HS6ST2: variants seen among roughly 807,000 people sequenced by gnomAD.
The protein encoded by HS6ST2 is heparan sulfate 6-O-sulfotransferase 2, also known as heparan-sulfate 6-O-sulfotransferase 2.
In HS6ST2, 17 loss-of-function variants were observed where a neutral mutation model predicts 33.0. The observed-to-expected ratio is 0.52, with a 90% confidence interval of 0.35 to 0.77. HS6ST2 has a LOEUF of 0.77. HS6ST2 is among the 30% of genes least tolerant of loss of function. HS6ST2 has a pLI of 0.01. For missense variants in HS6ST2, 519 were observed against 551.7 expected, an observed-to-expected ratio of 0.94 and a Z score of 0.59; for synonymous variants, 248 against 237.1, an observed-to-expected ratio of 1.05 and a Z score of -0.42.
At chrX:132,639,782 A>G (rs921861901) in intron 4 of HS6ST2, among the ~76,000 whole-genome samples, 1 of 111,658 alleles carries the variant, frequency 9.0e-6, no homozygotes, top group Admixed American at 9.5e-5. Flanking sequence ...TCCATGCCAC[A>G]GTGGATGGGA....
intron 2 of HS6ST2, among the ~76,000 whole-genome samples, chrX:132,791,009 T>C (rs1446587387): frequency 9.1e-6 from 1 of 109,593 alleles, no homozygotes; most frequent in Non-Finnish European, 1.9e-5. Flanking sequence ...TAGCCAAATG[T>C]GGTGGCATGT....
At chrX:132,775,442 G>A (rs180902746) in intron 2 of HS6ST2, among the ~76,000 whole-genome samples, 2 of 111,992 alleles carry the variant, frequency 1.8e-5, no homozygotes, top group Admixed American at 1.9e-4. Flanking sequence ...GCATGTAGAA[G>A]CTTCAGGGCT....
intron 2 of HS6ST2, among the ~76,000 whole-genome samples, chrX:132,896,220 C>T (rs990238471): frequency 1.8e-5 from 2 of 110,906 alleles, no homozygotes; most frequent in East Asian, 5.7e-4. Context: ...CCTGTAATCC[C>T]AGCACTTTGG....
intron 4 of HS6ST2, among the ~76,000 whole-genome samples, chrX:132,647,548 G>C (rs59843512): frequency 1.8e-5 from 2 of 112,070 alleles, no homozygotes; most frequent in African/African-American, 6.5e-5. Context: ...TCCCCTGCTG[G>C]AGAGTCCCAA....
intron 2 of HS6ST2, among the ~76,000 whole-genome samples, chrX:132,715,071 CCTT>C (rs1341144127): frequency 1.8e-5 from 2 of 111,911 alleles, no homozygotes; most frequent in African/African-American, 3.2e-5. Flanking sequence ...CATAGAGTCA[CCTT>C]CTACCCCAGG....
intron 4 of HS6ST2, among the ~76,000 whole-genome samples, chrX:132,642,614 A>T (rs2148171222): frequency 8.9e-6 from 1 of 111,909 alleles, no homozygotes; most frequent in East Asian, 2.8e-4. Context: ...GCTGGGCTAC[A>T]TGTGTGGGGA....
intron 2 of HS6ST2, among the ~76,000 whole-genome samples, chrX:132,757,841 G>A (rs1268965888): frequency 9.0e-6 from 1 of 111,725 alleles, no homozygotes; most frequent in Non-Finnish European, 1.9e-5. Context: ...TCATTTATAG[G>A]ACTCCATCTA....
chrX:132,867,823 C>CA (rs754882804), intron 2 of HS6ST2, among the ~76,000 whole-genome samples: 1 of 111,391 alleles, frequency 9.0e-6, no homozygotes, highest in East Asian at 2.8e-4. Flanking sequence ...CCAGTCACTG[C>CA]AAAAACATAC....
chrX:132,940,673 A>G (rs1462776121), intron 2 of HS6ST2, among the ~76,000 whole-genome samples: 1 of 112,462 alleles, frequency 8.9e-6, no homozygotes, highest in African/African-American at 3.2e-5. Context: ...TAGGCACATG[A>G]AAAAATGTTT....
chrX:132,802,718 A>G (rs756902962), intron 2 of HS6ST2, among the ~76,000 whole-genome samples: 11 of 110,129 alleles, frequency 1.0e-4, no homozygotes, highest in Non-Finnish European at 7.6e-5. Context: ...TTTTGCATGC[A>G]AAAACACCAA....
intron 2 of HS6ST2, among the ~76,000 whole-genome samples, chrX:132,872,403 A>C: frequency 8.9e-6 from 1 of 111,812 alleles, no homozygotes; most frequent in Non-Finnish European, 1.9e-5. Context: ...TGAGGGACTT[A>C]GAAGGGACTA....
At chrX:132,719,008 G>A (rs769562548) in intron 2 of HS6ST2, among the ~76,000 whole-genome samples, 41 of 111,635 alleles carry the variant, frequency 3.7e-4, no homozygotes, top group African/African-American at 5.5e-4. Context: ...TTAACCAAGG[G>A]GGGGAAGAAA....
rs960301508 is a variant in HS6ST2, at chrX:132,627,378, T to C, written c.*845A>G. On this transcript the variant is annotated 3_prime_UTR_variant, in exon 5 of 5. Transcript: ENST00000370833. ...ATTCTATACATGGGTTAATTTGGAA[T>C]GAGCACAATTCAGAGAAGCCTTAAA... 8.9e-6 allele frequency: 1 copy of C among 112,433 alleles called. No individual in the cohort carries two copies. The highest frequency in any genetic ancestry group is 1.9e-5 in the Non-Finnish European group (1 of 53,205). The allele number at this position is 112,433 out of a possible 1,213,427, so 9.3% of individuals were successfully genotyped here.
At chrX:132,857,481 C>A (rs1410069310) in intron 2 of HS6ST2, among the ~76,000 whole-genome samples, 4 of 100,677 alleles carry the variant, frequency 4.0e-5, no homozygotes, top group Non-Finnish European at 6.0e-5. Flanking sequence ...GAGACTCTGT[C>A]TCAAAAAAAA....
rs376625634 is a variant in HS6ST2, at chrX:132,894,139, T to TG, written c.947+62668dup. Among the ~76,000 whole-genome samples the TG allele has an allele frequency of 1.7e-3, 163 of 98,039 alleles. 2 individuals carry two copies. Among genetic ancestry groups the TG allele is most frequent in the African/African-American group, 5.6e-3 (148 of 26,374 alleles). 85.1% of individuals were successfully genotyped at this position (98,039 alleles called of 115,157 possible). A position where few individuals can be genotyped will look rare whatever the true frequency, so the allele number is the denominator to read the frequency against. ...GGGTTTCAGGTTTTTTTTTTTTTTG[T>TG]GGGGGGGGAGGTGGGGAGAGAGACG... is the stretch of plus-strand genomic sequence containing the variant. On this transcript the variant is annotated intron_variant, in intron 2 of 4. Coordinates refer to ENST00000370833, the MANE Select transcript of HS6ST2 (RefSeq NM_001394073.1).
chrX:132,794,259 CA>C (rs2065149935), intron 2 of HS6ST2, among the ~76,000 whole-genome samples: 1 of 111,951 alleles, frequency 8.9e-6, no homozygotes, highest in Non-Finnish European at 1.9e-5. Flanking sequence ...ACCTGTCCAC[CA>C]AGGGGATAGC....
At chrX:132,860,636 T>C (rs1014776409) in intron 2 of HS6ST2, among the ~76,000 whole-genome samples, 2 of 111,720 alleles carry the variant, frequency 1.8e-5, no homozygotes, top group African/African-American at 6.5e-5. Flanking sequence ...TCTGTGACTG[T>C]GTTTCCATTT....
chrX:132,878,296 A>G (rs964409807), intron 2 of HS6ST2, among the ~76,000 whole-genome samples: 2 of 112,074 alleles, frequency 1.8e-5, no homozygotes, highest in Non-Finnish European at 3.8e-5. Context: ...ACCCCTGCAT[A>G]AGGTGTGAAC....
rs1408625625 is a variant in HS6ST2 at position 132,891,561 on chromosome X, G to A, written c.947+65247C>T. Among the ~76,000 whole-genome samples, 94 of 109,038 alleles carry A rather than the reference G, an allele frequency of 8.6e-4. 1 individual carries two copies. Among genetic ancestry groups the A allele is most frequent in the Admixed American group, 3.6e-3 (37 of 10,145 alleles). 94.7% of individuals were successfully genotyped at this position (109,038 alleles called of 115,157 possible). On this transcript the variant is annotated intron_variant, in intron 2 of 4. Transcript: ENST00000370833. ...TCCCCCCACCCCACAACAGGCCCCAGAGTGTGATGTTCCCCTTCCTGTGTC... is the reference window on the plus strand; with the variant it reads ...TCCCCCCACCCCACAACAGGCCCCAAAGTGTGATGTTCCCCTTCCTGTGTC...
Sources: gnomAD v4.1 joint callset for allele counts (sites outside exome capture counted in the v4.1 genomes callset) on GRCh38, gnomAD v4.1.1 for gene constraint, MANE v1.5 for transcripts, NCBI Gene and HGNC (gene_info 2026-07-23, HGNC 2026-07-21) for gene names.